NTM: variants seen among roughly 807,000 people sequenced by gnomAD.
NTM encodes the protein IgLON family member 2.
In NTM, 13 loss-of-function variants were observed where a neutral mutation model predicts 42.1. The ratio of observed to expected loss-of-function variants is 0.31; its 90% CI spans 0.20 to 0.49. The LOEUF (loss-of-function observed/expected upper bound fraction) is 0.49. NTM is among the 20% of genes least tolerant of loss of function. The probability of loss-of-function intolerance (pLI) is 0.99; values close to 1 mark genes in which losing one functional copy is unlikely to be tolerated. For missense variants in NTM, 373 were observed against 452.8 expected (o/e 0.82, Z 1.60); for synonymous variants, 187 against 179.2 (o/e 1.04, Z -0.35).
Position 131,851,876 on chromosome 11 carries a change from G to A in NTM, c.83-59688G>A, listed in dbSNP as rs929033866. On this transcript the variant is annotated intron_variant, in intron 1 of 8. Coordinates refer to ENST00000683400, the MANE Select transcript of NTM (RefSeq NM_001352005.2). ...CAAGATAGAGAAGAAGGAGAAAAAA[G>A]CAAGGAGGAGGAAAAAGTTGTCATT... Among the ~76,000 whole-genome samples, 11 of 152,146 alleles carry A rather than the reference G, an allele frequency of 7.2e-5. 1 individual carries two copies. The highest frequency in any genetic ancestry group is 1.5e-4 in the Non-Finnish European group (10 of 68,038).
chr11:131,439,063 G>C (rs1002121713), intron 1 of NTM, among the ~76,000 whole-genome samples: 2 of 152,166 alleles, frequency 1.3e-5, no homozygotes, highest in Non-Finnish European at 2.9e-5. Flanking sequence ...AGGTCTGTTG[G>C]AGTTTGCTGG....
At chr11:131,903,408 G>T (rs773216348) in intron 1 of NTM, among the ~76,000 whole-genome samples, 1 of 152,178 alleles carries the variant, frequency 6.6e-6, no homozygotes, top group Non-Finnish European at 1.5e-5. Flanking sequence ...TATTAACAGC[G>T]TATTTATTGA....
intron 3 of NTM, among the ~76,000 whole-genome samples, chr11:132,178,670 G>A (rs1324448999): frequency 6.6e-6 from 1 of 152,150 alleles, no homozygotes; most frequent in Non-Finnish European, 1.5e-5. Flanking sequence ...CAACTTGGCT[G>A]TGAATCATTT....
At chr11:131,829,531 A>G (rs536247394) in intron 1 of NTM, among the ~76,000 whole-genome samples, 176 of 152,236 alleles carry the variant, frequency 1.2e-3, no homozygotes, top group African/African-American at 4.0e-3. Flanking sequence ...ATTCTTTCCT[A>G]TGGCATAGTA....
rs538812620 is a variant in NTM, at chr11:131,493,422, G to A, written c.82+122534G>A. Among the ~76,000 whole-genome samples, 8 of 152,232 alleles carry A rather than the reference G, an allele frequency of 5.3e-5. No homozygotes were observed. In the East Asian group the frequency reaches 7.7e-4, roughly 15 times the overall value. ...GAGCCCTGCTTTCTCTGTGTGTTTC[G>A]TTTTAAGGTGACTGAGCAGGTGATC... On this transcript the variant is annotated intron_variant, in intron 1 of 8. Coordinates refer to ENST00000683400, the MANE Select transcript of NTM (RefSeq NM_001352005.2).
intron 1 of NTM, among the ~76,000 whole-genome samples, chr11:131,803,634 TAA>T (rs1479193799): frequency 6.6e-6 from 1 of 152,180 alleles, no homozygotes; most frequent in East Asian, 1.9e-4. Context: ...AATTATCAAA[TAA>T]ACTGGCTGAA....
chr11:131,675,216 A>C (rs1231753743), intron 1 of NTM, among the ~76,000 whole-genome samples: 3 of 152,152 alleles, frequency 2.0e-5, no homozygotes, highest in African/African-American at 7.2e-5. Flanking sequence ...GGGCAGCTAC[A>C]CTGTTTTATT....
rs577081135 is a variant in NTM, at chr11:132,044,378, G to A, written c.168-101904G>A. 2.6e-5 allele frequency among the ~76,000 whole-genome samples: 4 copies of A among 152,208 alleles called. No individual in the cohort carries two copies. The South Asian group carries it at 6.2e-4, about 24-fold the overall frequency. ...GCTTACCTTTTCCCTGCAATACCTG[G>A]AAATCAGAGTCAGTGAGACACTGTG... On this transcript the variant is annotated intron_variant, in intron 2 of 8. Coordinates refer to ENST00000683400, the MANE Select transcript of NTM (RefSeq NM_001352005.2).
chr11:131,909,350 G>A (rs2054340786), intron 1 of NTM, among the ~76,000 whole-genome samples: 1 of 152,196 alleles, frequency 6.6e-6, no homozygotes, highest in South Asian at 2.1e-4. Flanking sequence ...TTGCCAGAAT[G>A]AGTATTGTAC....
At chr11:131,691,811 C>T (rs1185528843) in intron 1 of NTM, among the ~76,000 whole-genome samples, 1 of 152,222 alleles carries the variant, frequency 6.6e-6, no homozygotes, top group Non-Finnish European at 1.5e-5. Flanking sequence ...CACACAGCTC[C>T]GCCAGGTGCC....
At chr11:131,570,839 T>C (rs1185025037) in intron 1 of NTM, among the ~76,000 whole-genome samples, 1 of 152,180 alleles carries the variant, frequency 6.6e-6, no homozygotes, top group African/African-American at 2.4e-5. Context: ...GATAAATAAA[T>C]ACAAAATAAT....
intron 1 of NTM, among the ~76,000 whole-genome samples, chr11:131,875,745 G>A (rs938430122): frequency 5.9e-5 from 9 of 152,186 alleles, no homozygotes; most frequent in African/African-American, 2.4e-5. Context: ...TCCCTTCTGT[G>A]GGCTTCATGG....
chr11:132,212,326 C>G (rs2082997598), intron 4 of NTM, among the ~76,000 whole-genome samples, 179 bp downstream of exon 4: 1 of 152,172 alleles, frequency 6.6e-6, no homozygotes, highest in Non-Finnish European at 1.5e-5. Flanking sequence ...CAGCCATACC[C>G]TCTAAGATTT....
chr11:132,048,245 C>A (rs868518902), intron 2 of NTM, among the ~76,000 whole-genome samples: 2 of 152,090 alleles, frequency 1.3e-5, no homozygotes, highest in African/African-American at 2.4e-5. Context: ...GACAGCAATA[C>A]CCCCCATGCC....
At chr11:132,021,424 G>T (rs1036036728) in intron 2 of NTM, among the ~76,000 whole-genome samples, 1 of 152,074 alleles carries the variant, frequency 6.6e-6, no homozygotes, top group Non-Finnish European at 1.5e-5. Context: ...ATGGGTCACA[G>T]TTTCCTCTTT....
intron 1 of NTM, among the ~76,000 whole-genome samples, chr11:131,689,301 C>T (rs1347469657): frequency 6.6e-6 from 1 of 152,196 alleles, no homozygotes; most frequent in Admixed American, 6.5e-5. Context: ...CTTGCCTCCC[C>T]ACCCAGTATT....
chr11:131,791,356 AT>A (rs2090908378), intron 1 of NTM, among the ~76,000 whole-genome samples: 3 of 152,218 alleles, frequency 2.0e-5, no homozygotes, highest in African/African-American at 7.2e-5. Flanking sequence ...GGACAGTATC[AT>A]TTTTGCTTGC....
At chr11:131,746,761 A>G (rs2081883691) in intron 1 of NTM, among the ~76,000 whole-genome samples, 1 of 152,134 alleles carries the variant, frequency 6.6e-6, no homozygotes, top group South Asian at 2.1e-4. Context: ...GCATTTTTAT[A>G]AAACTTTGAA....
chr11:132,042,327 G>A (rs551634904), intron 2 of NTM, among the ~76,000 whole-genome samples: 1 of 152,276 alleles, frequency 6.6e-6, no homozygotes, highest in South Asian at 2.1e-4. Context: ...TGGCTACTGG[G>A]ACTGGAAATG....
Sources: gnomAD v4.1 joint callset for allele counts (sites outside exome capture counted in the v4.1 genomes callset) on GRCh38, gnomAD v4.1.1 for gene constraint, MANE v1.5 for transcripts, NCBI Gene and HGNC (gene_info 2026-07-23, HGNC 2026-07-21) for gene names.